Variants in SEMA5A observed in about 807,000 individuals in gnomAD.
SEMA5A encodes the protein semaphorin-5A.
A neutral mutation model predicts 135.5 loss-of-function variants in SEMA5A; 55 were observed. The observed-to-expected ratio is 0.41, with a 90% CI of 0.33 to 0.51. The LOEUF is 0.51. SEMA5A is among the 20% of genes least tolerant of loss of function. The pLI, the probability that SEMA5A is intolerant of heterozygous loss-of-function variation, is 0.37. For synonymous variants in SEMA5A, 580 were observed against 546.5 expected, an observed-to-expected ratio of 1.06 and a Z score of -0.85; for missense variants, 1,290 against 1,419.9, an observed-to-expected ratio of 0.91 and a Z score of 1.47.
intron 20 of SEMA5A, 38 bp from the exon 21 acceptor site, chr5:9,050,495 T>C (rs774787266): frequency 5.1e-6 from 8 of 1,574,696 alleles, no homozygotes; most frequent in South Asian, 1.1e-5. Flanking sequence ...GTGTAAAAGG[T>C]GTTCAGAAGA....
At chr5:9,521,120 A>AT (rs1736801576) in intron 1 of SEMA5A, among the ~76,000 whole-genome samples, 2 of 152,222 alleles carry the variant, frequency 1.3e-5, no homozygotes, top group South Asian at 4.1e-4. Flanking sequence ...ATTCTAGAAC[A>AT]TTTTTTAGGC....
At chr5:9,516,855 G>T (rs915379622) in intron 1 of SEMA5A, 10 of 152,204 alleles carry the variant, frequency 6.6e-5, no homozygotes, top group African/African-American at 2.4e-4. Flanking sequence ...TTAGGAACCA[G>T]GGATCCATGG....
chr5:9,200,114 T>G (rs1253897639), intron 9 of SEMA5A, among the ~76,000 whole-genome samples: 1 of 152,136 alleles, frequency 6.6e-6, no homozygotes, highest in African/African-American at 2.4e-5. Context: ...GAAATTTGAG[T>G]TGGGCATATT....
At chr5:9,071,533 A>C (rs1456798130) in intron 16 of SEMA5A, among the ~76,000 whole-genome samples, 2 of 152,220 alleles carry the variant, frequency 1.3e-5, no homozygotes, top group African/African-American at 4.8e-5. Flanking sequence ...GTAACAGATA[A>C]GTCTACTGAG....
At chr5:9,371,685 C>A (rs150765175) in intron 3 of SEMA5A, among the ~76,000 whole-genome samples, 1 of 152,140 alleles carries the variant, frequency 6.6e-6, no homozygotes, top group Non-Finnish European at 1.5e-5. Flanking sequence ...GACATTACAT[C>A]ACATAAAACA....
intron 5 of SEMA5A, among the ~76,000 whole-genome samples, chr5:9,290,867 G>A (rs1193287235): frequency 6.6e-6 from 1 of 152,014 alleles, no homozygotes; most frequent in Non-Finnish European, 1.5e-5. Flanking sequence ...ACTCTCCCAT[G>A]TTAAATAACA....
intron 16 of SEMA5A, among the ~76,000 whole-genome samples, chr5:9,089,298 C>A (rs1738903987): frequency 6.6e-6 from 1 of 152,130 alleles, no homozygotes; most frequent in South Asian, 2.1e-4. Flanking sequence ...AACTTTTGTT[C>A]AATGGTGTTC....
At chr5:9,289,037 G>T (rs1224044514) in intron 5 of SEMA5A, among the ~76,000 whole-genome samples, 3 of 152,164 alleles carry the variant, frequency 2.0e-5, no homozygotes, top group Admixed American at 6.5e-5. Flanking sequence ...GACCTGTGTT[G>T]CTCACGAAAC....
At chr5:9,512,599 T>C (rs976510784) in intron 1 of SEMA5A, among the ~76,000 whole-genome samples, 2 of 152,272 alleles carry the variant, frequency 1.3e-5, no homozygotes, top group East Asian at 1.9e-4. Flanking sequence ...GGAGTGGTTT[T>C]AAAAGTCAAC....
intron 5 of SEMA5A, among the ~76,000 whole-genome samples, chr5:9,291,167 A>G (rs777964002): frequency 1.3e-5 from 2 of 152,300 alleles, no homozygotes. Context: ...TTTGCTAAAA[A>G]TGGTCGTTCT....
chr5:9,202,326 G>T (rs1745763371), intron 8 of SEMA5A, 86 bp from the exon 9 acceptor site: 1 of 1,443,888 alleles, frequency 6.9e-7, no homozygotes, highest in Non-Finnish European at 9.4e-7. Flanking sequence ...CATCCAAAGA[G>T]ACGTGGTTTT....
intron 5 of SEMA5A, among the ~76,000 whole-genome samples, chr5:9,246,361 G>A (rs901905162): frequency 3.9e-5 from 6 of 152,108 alleles, no homozygotes; most frequent in African/African-American, 7.2e-5. Context: ...AATTCCCAAG[G>A]ACTGGCTTGC....
At chr5:9,449,069 A>G (rs1311447838) in intron 1 of SEMA5A, among the ~76,000 whole-genome samples, 2 of 152,238 alleles carry the variant, frequency 1.3e-5, no homozygotes, top group Non-Finnish European at 2.9e-5. Flanking sequence ...ATTACTGAGT[A>G]TATACCCAAA....
chr5:9,141,829 G>A lies in SEMA5A; in HGVS notation c.1482-5208C>T, dbSNP rs144210431. On this transcript the variant is annotated intron_variant, in intron 12 of 22. Coordinates refer to ENST00000382496, the MANE Select transcript of SEMA5A (RefSeq NM_003966.3). ...GATTTATTAATAAGTACAATTCCTC[G>A]TGCCTATTAGATTATCTAAGTATCA... 2.5e-3 allele frequency among the ~76,000 whole-genome samples: 383 copies of A among 152,084 alleles called. 1 individual carries two copies. Among genetic ancestry groups the A allele is most frequent in the African/African-American group, 8.4e-3 (349 of 41,490 alleles).
At chr5:9,490,808 C>A (rs903766404) in intron 1 of SEMA5A, among the ~76,000 whole-genome samples, 28 of 152,196 alleles carry the variant, frequency 1.8e-4, no homozygotes, top group African/African-American at 6.5e-4. Flanking sequence ...CACACTTAGG[C>A]AAGACTTAAA....
intron 16 of SEMA5A, among the ~76,000 whole-genome samples, chr5:9,072,290 A>C (rs1737811513): frequency 6.6e-6 from 1 of 152,132 alleles, no homozygotes; most frequent in African/African-American, 2.4e-5. Flanking sequence ...GGGAGCAGAA[A>C]CCCAGGCACA....
intron 1 of SEMA5A, among the ~76,000 whole-genome samples, chr5:9,514,748 G>C (rs959013570): frequency 6.6e-6 from 1 of 152,188 alleles, no homozygotes; most frequent in Non-Finnish European, 1.5e-5. Flanking sequence ...TGAATCCATA[G>C]ACTTGGAACC....
Position 9,098,587 on chromosome 5 carries a change from C to T in SEMA5A, c.2073+9553G>A, listed in dbSNP as rs570646111. 3.0e-4 allele frequency among the ~76,000 whole-genome samples: 46 copies of T among 152,314 alleles called. 2 individuals carry two copies. The highest frequency in any genetic ancestry group is 3.4e-3 in the Middle Eastern group (1 of 294). On this transcript the variant is annotated intron_variant, in intron 16 of 22. Transcript: ENST00000382496. ...ATCTAGAGAGTCACTCTTAATTACT[C>T]ATTTTTAACAGTTAAAAAATCTGAC...
chr5:9,491,271 G>A (rs1226166882), intron 1 of SEMA5A, among the ~76,000 whole-genome samples: 1 of 152,044 alleles, frequency 6.6e-6, no homozygotes, highest in Non-Finnish European at 1.5e-5. Flanking sequence ...AGAGCACAGG[G>A]GATTTTCGGG....
Sources: allele counts gnomAD v4.1 joint callset (sites outside exome capture counted in the v4.1 genomes callset), GRCh38; gene constraint gnomAD v4.1.1; transcripts MANE v1.5; gene names NCBI Gene and HGNC (gene_info 2026-07-23, HGNC 2026-07-21).